Variants in TTLL4 observed in about 807,000 individuals in gnomAD.
TTLL4 encodes the protein tubulin tyrosine ligase like 4.
Under a neutral mutation model 122.7 loss-of-function variants are expected in TTLL4, and 85 were observed. The observed-to-expected ratio is 0.69, with a 90% CI of 0.58 to 0.83. The LOEUF is 0.83. Ranked by LOEUF, TTLL4 falls within the 40% of genes least tolerant of loss-of-function variation. The pLI, the probability that TTLL4 is intolerant of heterozygous loss-of-function variation, is 0.00. For synonymous variants in TTLL4, 553 were observed against 563.0 expected (o/e 0.98, Z 0.25); for missense variants, 1,363 against 1,488.6 (o/e 0.92, Z 1.39).
intron 1 of TTLL4, among the ~76,000 whole-genome samples, chr2:218,721,959 AT>A (rs1453617139): frequency 6.6e-6 from 1 of 150,398 alleles, no homozygotes; most frequent in Non-Finnish European, 1.5e-5. Flanking sequence ...CTCTGTCTCT[AT>A]TTAAAAAAAA....
Position 218,753,653 on chromosome 2 carries a change from G to A in TTLL4, c.3328G>A (p.Glu1110Lys). The change falls in exon 19 of 20, where the codon GAG becomes AAG. Residue 1110 changes from glutamate to lysine, a missense_variant. Transcript: ENST00000392102. ...GATACTCAATGCCTTCAGCAAATCA[G>A]AGACTAGCAAGCTGGGGTGAGTGCT... Reference protein sequence around the residue: ...DVILNAFSKSETSKLGKQSSC... With the variant: ...DVILNAFSKSKTSKLGKQSSC... 1 of 1,614,126 alleles carries A rather than the reference G, an allele frequency of 6.2e-7. No individual in the cohort carries two copies. The highest frequency in any genetic ancestry group is 2.2e-5 in the East Asian group (1 of 44,870).
intron 3 of TTLL4, 68 bp from the exon 4 acceptor site, chr2:218,739,990 G>T: frequency 1.4e-6 from 2 of 1,412,876 alleles, no homozygotes; most frequent in Middle Eastern, 1.8e-4. Context: ...GATGATGAAG[G>T]AATGAGAATC....
Position 218,754,859 on chromosome 2 carries a change from C to T in TTLL4, c.*470C>T, listed in dbSNP as rs140903626. On this transcript the variant is annotated 3_prime_UTR_variant, in exon 20 of 20. Coordinates refer to ENST00000392102, the MANE Select transcript of TTLL4 (RefSeq NM_014640.5). ...AGGTCTTTCCTCACCCCTCTCCCAC[C>T]GCTGTCCTGAGGAGAAACCCTTGAA... 8.9e-5 allele frequency: 15 copies of T among 168,356 alleles called. No individual in the cohort carries two copies. The highest frequency in any genetic ancestry group is 6.0e-3 in the Middle Eastern group (2 of 332). 10.4% of individuals were successfully genotyped at this position (168,356 alleles called of 1,614,324 possible).
chr2:218,714,421 C>T (rs1941799284), intron 1 of TTLL4, among the ~76,000 whole-genome samples: 1 of 152,202 alleles, frequency 6.6e-6, no homozygotes, highest in Non-Finnish European at 1.5e-5. Flanking sequence ...ATTGTCTGAT[C>T]ATAGTGTCTG....
chr2:218,738,720 T>C lies in TTLL4; in HGVS notation c.1044T>C (p.Phe348=), dbSNP rs754997904. ...TGAGGAAATTGACCGCAAGAGGCTT[T>C]GAGAAGATGCCGAGGCAAGGCTGCC... is the stretch of plus-strand genomic sequence containing the variant. ...EAVRKLTARG[F]EKMPRQGCQL... The change falls in exon 3 of 20, where the codon TTT becomes TTC. Residue 348 remains phenylalanine (F), a synonymous_variant. Transcript: ENST00000392102. 6.2e-7 allele frequency: 1 copy of C among 1,614,106 alleles called. No homozygotes were observed.
Position 218,738,049 on chromosome 2 carries a change from C to G in TTLL4, c.373C>G (p.Gln125Glu). The change falls in exon 3 of 20, where the codon CAA (glutamine) becomes GAA (glutamate). Residue 125 changes from glutamine (Q) to glutamate (E), a missense_variant. Around this residue, in one of 3 missense-constraint regions of TTLL4, gnomAD observed 760 missense variants for 808.4 expected, o/e 0.94. Transcript: ENST00000392102. ...TLLYRRSSYR[Q>E]KPYQQLESFC... is the part of the protein sequence containing the mutation. ...GCTATACCGCCGCTCCAGCTATAGG[C>G]AAAAACCGTACCAGCAACTGGAGTC... 6.2e-7 allele frequency: 1 copy of G among 1,614,108 alleles called. No homozygotes were observed. Among genetic ancestry groups the G allele is most frequent in the Non-Finnish European group, 8.5e-7 (1 of 1,180,022 alleles).
intron 2 of TTLL4, among the ~76,000 whole-genome samples, chr2:218,735,735 C>T (rs923161919): frequency 2.0e-4 from 30 of 151,464 alleles, no homozygotes; most frequent in African/African-American, 6.1e-4. Context: ...TGCGATGGCG[C>T]GATCTCGGCT....
intron 1 of TTLL4, among the ~76,000 whole-genome samples, chr2:218,715,459 T>C (rs966077245): frequency 6.6e-6 from 1 of 152,220 alleles, no homozygotes; most frequent in African/African-American, 2.4e-5. Flanking sequence ...TTCTGTAACA[T>C]GTGATACAGT....
chr2:218,751,826 C>T lies in TTLL4; in HGVS notation c.2976+20C>T, dbSNP rs775482675. The T allele has an allele frequency of 1.3e-6, 2 of 1,599,536 alleles. No individual in the cohort carries two copies. The highest frequency in any genetic ancestry group is 1.7e-5 in the Admixed American group (1 of 58,546). On this transcript the variant is annotated intron_variant, in intron 16 of 19. Transcript: ENST00000392102. The stretch of plus-strand genomic sequence containing the variant: ...GATCAGGTAGGAGATTGGTCTTCCC[C>T]CCAGTGCTAGCAGAAAACTTCCCTG...
At chr2:218,748,314 T>C in intron 12 of TTLL4, 87 bp downstream of exon 12, 1 of 1,550,872 alleles carries the variant, frequency 6.4e-7, no homozygotes, top group Non-Finnish European at 8.7e-7. Flanking sequence ...GCATGGCGAG[T>C]GGAGGATTAA....
chr2:218,748,697 A>T, intron 12 of TTLL4, 139 bp from the exon 13 acceptor site: 1 of 647,780 alleles, frequency 1.5e-6, no homozygotes, highest in Non-Finnish European at 2.6e-6. Flanking sequence ...TTTGCATCCA[A>T]GTTCATCTCT....
In TTLL4 at chr2:218,747,276, C is replaced by T; in HGVS notation, c.2167-14C>T. 1 of 1,614,232 alleles carries T rather than the reference C, an allele frequency of 6.2e-7. No individual in the cohort carries two copies. The highest frequency in any genetic ancestry group is 8.5e-7 in the Non-Finnish European group (1 of 1,180,052). Reference sequence around the variant, plus strand: ...TTGGACCTGGAGCAAATCTCATCTCCTTTCTGCTCCTAGCCAGCATCAGCT... The same window carrying T: ...TTGGACCTGGAGCAAATCTCATCTCTTTTCTGCTCCTAGCCAGCATCAGCT... On this transcript the variant is annotated splice_polypyrimidine_tract_variant and intron_variant, in intron 9 of 19. Transcript: ENST00000392102. The surrounding 1 kb of genome is among the most constrained non-coding windows in gnomAD (Gnocchi z 4.7).
chr2:218,716,905 G>A (rs1286296248), intron 1 of TTLL4, among the ~76,000 whole-genome samples: 2 of 152,212 alleles, frequency 1.3e-5, no homozygotes, highest in Non-Finnish European at 2.9e-5. Context: ...CTTGATTCAT[G>A]CTAAGTCACC....
chr2:218,738,778 T>C lies in TTLL4; in HGVS notation c.1102T>C (p.Phe368Leu). Residue 368 changes from phenylalanine to leucine, a missense_variant, in exon 3 of 20, where the codon TTC becomes CTC. Transcript: ENST00000392102. ...LEQSSFLNPS[F>L]QWNVLNRSRR... Reference sequence around the variant, plus strand: ...ACAGTCTAGTTTCCTGAACCCCAGCTTCCAGTGGAATGTCCTCAACAGGAG... The same window carrying C: ...ACAGTCTAGTTTCCTGAACCCCAGCCTCCAGTGGAATGTCCTCAACAGGAG... 2 of 1,614,154 alleles carry C rather than the reference T, an allele frequency of 1.2e-6. No individual in the cohort carries two copies. Among genetic ancestry groups the C allele is most frequent in the South Asian group, 2.2e-5 (2 of 91,088 alleles).
chr2:218,716,426 T>C (rs1346647896), intron 1 of TTLL4, among the ~76,000 whole-genome samples: 4 of 150,692 alleles, frequency 2.7e-5, no homozygotes, highest in Non-Finnish European at 5.9e-5. Context: ...TTATATGTAC[T>C]TCACATTTTA....
intron 1 of TTLL4, among the ~76,000 whole-genome samples, chr2:218,719,113 A>G (rs1941955286): frequency 6.6e-6 from 1 of 152,168 alleles, no homozygotes. Flanking sequence ...TCAATTTTTT[A>G]AAAACTTTTG....
chr2:218,744,439 T>G (rs3755045), intron 5 of TTLL4, among the ~76,000 whole-genome samples: 75,510 of 151,864 alleles, frequency 0.5, 19,510 homozygotes, highest in African/African-American at 0.61. Flanking sequence ...CCTTGTTGGA[T>G]TAACAGTAGG....
At chr2:218,728,229 A>G (rs963238178) in intron 2 of TTLL4, among the ~76,000 whole-genome samples, 1 of 152,134 alleles carries the variant, frequency 6.6e-6, no homozygotes, top group Admixed American at 6.5e-5. Context: ...ATTTCTGTAA[A>G]TACATTGTAA....
At chr2:218,737,465 A>G in intron 2 of TTLL4, 114 bp from the exon 3 acceptor site, 1 of 515,580 alleles carries the variant, frequency 1.9e-6, no homozygotes, top group Non-Finnish European at 3.4e-6. Context: ...GACGACCAAG[A>G]CTGGTTGCCC....
Sources: gnomAD v4.1 joint callset for allele counts (sites outside exome capture counted in the v4.1 genomes callset) on GRCh38, gnomAD v4.1.1 for gene constraint, gnomAD v4.1.1 regional missense constraint, Gnocchi (gnomAD v3.1) non-coding constraint, MANE v1.5 for transcripts, NCBI Gene and HGNC (gene_info 2026-07-23, HGNC 2026-07-21) for gene names.